Variants in GREM2 observed in about 807,000 individuals in gnomAD.
GREM2 encodes gremlin-2.
In GREM2, 11 loss-of-function variants were observed where a neutral mutation model predicts 14.2. That is an observed-to-expected ratio of 0.78 (90% confidence interval 0.49 to 1.28). The LOEUF is 1.28. Among genes scored for constraint, GREM2 ranks in the 50% most tolerant of loss-of-function variants. The pLI is 0.00. For missense variants in GREM2, 210 were observed against 218.5 expected (o/e 0.96, Z 0.24); for synonymous variants, 98 against 97.6 (o/e 1.00, Z -0.02).
intron 1 of GREM2, among the ~76,000 whole-genome samples, chr1:240,508,035 G>C (rs12744857): frequency 6.6e-6 from 1 of 152,154 alleles, no homozygotes; most frequent in South Asian, 2.1e-4. Flanking sequence ...GGTACGTGCC[G>C]AGCTGGTGCC....
In GREM2 at chr1:240,543,520, A is replaced by T. The variant is rs531993486; in HGVS notation, c.-1-50044T>A. 6.6e-6 allele frequency among the ~76,000 whole-genome samples: 1 copy of T among 152,292 alleles called. No individual in the cohort carries two copies. Among genetic ancestry groups the T allele is most frequent in the Admixed American group, 6.5e-5 (1 of 15,290 alleles). On this transcript the variant is annotated intron_variant, in intron 1 of 1. Transcript: ENST00000318160. The surrounding 1 kb of genome is among the most constrained non-coding windows in gnomAD (Gnocchi z 6.4). Reference sequence around the variant, plus strand: ...GGGGGGAAACCGCCCTTGTGATTCAATTATTTCCACCTGGCCTTGCCCATG... The same window carrying T: ...GGGGGGAAACCGCCCTTGTGATTCATTTATTTCCACCTGGCCTTGCCCATG...
chr1:240,580,831 C>T (rs2103376620), intron 1 of GREM2, among the ~76,000 whole-genome samples: 1 of 152,344 alleles, frequency 6.6e-6, no homozygotes, highest in South Asian at 2.1e-4. Flanking sequence ...CCTTGGACTC[C>T]CCAGGTGCTG....
chr1:240,591,540 C>T (rs977541894), intron 1 of GREM2, among the ~76,000 whole-genome samples: 2 of 152,260 alleles, frequency 1.3e-5, no homozygotes, highest in East Asian at 1.9e-4. Context: ...CACGTTTTGG[C>T]GGAATTTCCT....
At chr1:240,556,704 C>A (rs915391918) in intron 1 of GREM2, among the ~76,000 whole-genome samples, 1 of 151,784 alleles carries the variant, frequency 6.6e-6, no homozygotes, top group Non-Finnish European at 1.5e-5. Context: ...TAAGAAACAG[C>A]GCTTTGAAAT....
intron 1 of GREM2, among the ~76,000 whole-genome samples, chr1:240,494,979 C>T (rs1677376372): frequency 6.6e-6 from 1 of 152,188 alleles, no homozygotes; most frequent in Non-Finnish European, 1.5e-5. Context: ...AAAGTGTCAT[C>T]TCATTTGTAT....
At chr1:240,590,859 C>T (rs913725970) in intron 1 of GREM2, 2 of 151,784 alleles carry the variant, frequency 1.3e-5, no homozygotes, top group South Asian at 2.1e-4. Flanking sequence ...GATCTCGGCT[C>T]ACTGCAAGCT....
intron 1 of GREM2, among the ~76,000 whole-genome samples, chr1:240,522,042 C>T (rs1408034761): frequency 6.0e-5 from 9 of 150,762 alleles, no homozygotes; most frequent in Admixed American, 5.9e-4. Context: ...ATTGCTTGAG[C>T]CCAGGAGGTT....
chr1:240,495,163 C>T (rs995250447), intron 1 of GREM2, among the ~76,000 whole-genome samples: 1 of 152,222 alleles, frequency 6.6e-6, no homozygotes, highest in Non-Finnish European at 1.5e-5. Context: ...CCCCAAGGAA[C>T]ACTAATACCC....
In GREM2 at chr1:240,493,304, C is replaced by T; in HGVS notation, c.172G>A (p.Glu58Lys). The change falls in exon 2 of 2, where the codon GAG (glutamate) becomes AAG (lysine). Residue 58 changes from glutamate (E) to lysine (K), a missense_variant. Transcript: ENST00000318160. ...QIKEVLASSQ[E>K]ALVVTERKYL... The stretch of plus-strand genomic sequence containing the variant: ...TTGCGCTCGGTGACCACCAGGGCCT[C>T]CTGGCTGGAGGCCAGCACCTCCTTG... 6.2e-7 allele frequency: 1 copy of T among 1,614,056 alleles called. No individual in the cohort carries two copies. Among genetic ancestry groups the T allele is most frequent in the Non-Finnish European group, 8.5e-7 (1 of 1,180,002 alleles).
At chr1:240,593,155 A>AAAAATAAAAT (rs1160172169) in intron 1 of GREM2, among the ~76,000 whole-genome samples, 1 of 152,032 alleles carries the variant, frequency 6.6e-6, no homozygotes, top group African/African-American at 2.4e-5. Context: ...AAGAAAAGAA[A>AAAAATAAAAT]AAAATAAAAT....
intron 1 of GREM2, among the ~76,000 whole-genome samples, chr1:240,559,635 C>T (rs976427634): frequency 2.0e-5 from 3 of 152,072 alleles, no homozygotes; most frequent in East Asian, 1.9e-4. Flanking sequence ...TAAGCCACTG[C>T]GCCTGGCCAA....
At chr1:240,598,295 G>A (rs892335855) in intron 1 of GREM2, among the ~76,000 whole-genome samples, 1 of 152,132 alleles carries the variant, frequency 6.6e-6, no homozygotes, top group African/African-American at 2.4e-5. Flanking sequence ...GACCCCAATG[G>A]CCTCTCTGCC....
At chr1:240,518,858 CT>C (rs541534250) in intron 1 of GREM2, among the ~76,000 whole-genome samples, 45 of 152,282 alleles carry the variant, frequency 3.0e-4, no homozygotes, top group Admixed American at 1.0e-3. Context: ...TACATATTGT[CT>C]TTACAAGTGA....
chr1:240,544,109 G>T (rs1678660150), intron 1 of GREM2, among the ~76,000 whole-genome samples: 1 of 150,836 alleles, frequency 6.6e-6, no homozygotes, highest in Admixed American at 6.6e-5. Flanking sequence ...ATGGTTTAAA[G>T]TAGAAGAAAG....
intron 1 of GREM2, among the ~76,000 whole-genome samples, chr1:240,527,568 G>T (rs1236357374): frequency 1.3e-5 from 2 of 152,134 alleles, no homozygotes; most frequent in Non-Finnish European, 2.9e-5. Flanking sequence ...GTTTATAAGA[G>T]GTCTGAGGAA....
chr1:240,601,645 A>C (rs1679926656), intron 1 of GREM2, among the ~76,000 whole-genome samples: 1 of 152,124 alleles, frequency 6.6e-6, no homozygotes, highest in Non-Finnish European at 1.5e-5. Flanking sequence ...GGTGGCTCAC[A>C]CCTGTAATCC....
chr1:240,493,352 A>G lies in GREM2; in HGVS notation c.124T>C (p.Ser42Pro), dbSNP rs1677313145. 1.2e-6 allele frequency: 2 copies of G among 1,613,734 alleles called. No individual in the cohort carries two copies. Among genetic ancestry groups the G allele is most frequent in the Admixed American group, 1.7e-5 (1 of 59,988 alleles). ...SPYKDGSSNN[S>P]ERWQHQIKEV... ...TTGATCTGGTGCTGCCATCTCTCCG[A>G]GTTGTTGCTGCTGCCGTCCTTGTAA... Residue 42 changes from serine to proline, a missense_variant, in exon 2 of 2, where the codon TCG becomes CCG. Physicochemically the swap from Ser to Pro is moderately conservative, Grantham distance 74. Coordinates refer to ENST00000318160, the MANE Select transcript of GREM2 (RefSeq NM_022469.4).
chr1:240,598,352 T>C (rs904962989), intron 1 of GREM2, among the ~76,000 whole-genome samples: 1 of 152,226 alleles, frequency 6.6e-6, no homozygotes, highest in Non-Finnish European at 1.5e-5. Context: ...CATGCTACAC[T>C]GATAATCTGG....
At chr1:240,587,413 G>T (rs1051382548) in intron 1 of GREM2, among the ~76,000 whole-genome samples, 1 of 150,086 alleles carries the variant, frequency 6.7e-6, no homozygotes, top group East Asian at 2.0e-4. Flanking sequence ...CCTCACCCTC[G>T]CAGGTTCAAG....
Sources: gnomAD v4.1 joint callset for allele counts (sites outside exome capture counted in the v4.1 genomes callset) on GRCh38, gnomAD v4.1.1 for gene constraint, Gnocchi (gnomAD v3.1) non-coding constraint, MANE v1.5 for transcripts, NCBI Gene and HGNC (gene_info 2026-07-23, HGNC 2026-07-21) for gene names.